Variants in PCDH7 observed in about 807,000 individuals in gnomAD.
PCDH7 encodes the protein protocadherin-7.
Under a neutral mutation model 58.9 loss-of-function variants are expected in PCDH7, and 17 were observed. The ratio of observed to expected loss-of-function variants is 0.29; its 90% CI spans 0.20 to 0.43. The LOEUF (loss-of-function observed/expected upper bound fraction) is 0.43. Among genes scored for constraint, PCDH7 ranks in the 20% least tolerant of loss-of-function variants. PCDH7 has a pLI of 1.00. For synonymous variants in PCDH7, 664 were observed against 616.4 expected (o/e 1.08, Z -1.14); for missense variants, 1,274 against 1,441.0 (o/e 0.88, Z 1.88).
intron 1 of PCDH7, among the ~76,000 whole-genome samples, chr4:30,861,865 G>A (rs1221547690): frequency 6.6e-6 from 1 of 152,060 alleles, no homozygotes; most frequent in African/African-American, 2.4e-5. Context: ...CACCTTGTTA[G>A]CCTTTTATTT....
intron 3 of PCDH7, among the ~76,000 whole-genome samples, chr4:31,069,811 G>C (rs2109250912): frequency 1.0e-5 from 1 of 100,332 alleles, no homozygotes; most frequent in African/African-American, 3.7e-5. Context: ...GATAGTATGA[G>C]CTACTTCTTG....
At chr4:31,109,595 A>C (rs555544233) in intron 3 of PCDH7, among the ~76,000 whole-genome samples, 2 of 152,318 alleles carry the variant, frequency 1.3e-5, no homozygotes, top group African/African-American at 4.8e-5. Flanking sequence ...TATTTATTTT[A>C]TAATATACAG....
intron 3 of PCDH7, among the ~76,000 whole-genome samples, chr4:31,141,181 C>T (rs1206351538): frequency 6.6e-6 from 1 of 152,222 alleles, no homozygotes; most frequent in Non-Finnish European, 1.5e-5. Flanking sequence ...AGAAAGTGTA[C>T]ATATCTTGGG....
At chr4:30,968,392 A>AC (rs1449100282) in intron 3 of PCDH7, among the ~76,000 whole-genome samples, 19,505 of 82,442 alleles carry the variant, frequency 0.24, 3,372 homozygotes, top group African/African-American at 0.35. Context: ...ATATATATAT[A>AC]TATATATATA....
At chr4:30,941,051 A>G (rs1255844172) in intron 2 of PCDH7, among the ~76,000 whole-genome samples, 1 of 151,984 alleles carries the variant, frequency 6.6e-6, no homozygotes, top group East Asian at 1.9e-4. Context: ...CTGAATTCCA[A>G]CTTAGAGCAC....
chr4:31,097,811 TTAACTC>T (rs1239752775), intron 3 of PCDH7, among the ~76,000 whole-genome samples: 1 of 151,440 alleles, frequency 6.6e-6, no homozygotes, highest in Non-Finnish European at 1.5e-5. Flanking sequence ...TTTTCAGACA[TTAACTC>T]TAATTAGGAT....
rs565192034 is a variant in PCDH7, at chr4:31,005,244, G to A, written c.*7+55029G>A. Among the ~76,000 whole-genome samples, 24 of 152,284 alleles carry A rather than the reference G, an allele frequency of 1.6e-4. No individual in the cohort carries two copies. The South Asian group carries it at 5.0e-3, about 32-fold the overall frequency. Reference sequence around the variant, plus strand: ...GTGTTGCTTGGGCTATTTATAATGGGAAGGTTGGGAAGCTGGAAGCGACAC... The same window carrying A: ...GTGTTGCTTGGGCTATTTATAATGGAAAGGTTGGGAAGCTGGAAGCGACAC... On this transcript the variant is annotated intron_variant, in intron 3 of 3. Coordinates refer to the PCDH7 transcript ENST00000509759.
chr4:30,960,090 G>T (rs1177730856), intron 3 of PCDH7, among the ~76,000 whole-genome samples: 1 of 135,750 alleles, frequency 7.4e-6, no homozygotes, highest in South Asian at 2.5e-4. Context: ...AGGAAGGAAG[G>T]AAGGAAGGAA....
At chr4:31,122,692 T>C (rs1339582879) in intron 3 of PCDH7, among the ~76,000 whole-genome samples, 2 of 152,102 alleles carry the variant, frequency 1.3e-5, no homozygotes, top group Non-Finnish European at 2.9e-5. Context: ...AAACATTCTC[T>C]TTAATTTTCT....
intron 1 of PCDH7, among the ~76,000 whole-genome samples, chr4:30,807,177 A>G (rs1199452736): frequency 6.6e-6 from 1 of 152,228 alleles, no homozygotes; most frequent in African/African-American, 2.4e-5. Context: ...AATTACCAAA[A>G]TAACCTGAAC....
intron 1 of PCDH7, among the ~76,000 whole-genome samples, chr4:30,888,332 A>G (rs941399410): frequency 2.6e-5 from 4 of 152,126 alleles, no homozygotes; most frequent in African/African-American, 9.7e-5. Context: ...ATATTCACAT[A>G]ATAGAAGGGC....
intron 2 of PCDH7, among the ~76,000 whole-genome samples, chr4:30,945,867 C>T (rs1203298451): frequency 1.3e-5 from 2 of 152,114 alleles, no homozygotes; most frequent in Non-Finnish European, 2.9e-5. Context: ...CATCGGGCCA[C>T]AGTTAGTGCC....
chr4:30,824,142 TCTTTCTTTCTTTCTTTCTTTTTG>T (rs1728794574), intron 1 of PCDH7, among the ~76,000 whole-genome samples: 1 of 144,218 alleles, frequency 6.9e-6, no homozygotes, highest in African/African-American at 2.6e-5. Context: ...TTTCTTTCTT[TCTTTCTTTCTTTCTTTCTTTTTG>T]CTTCCCTCAT....
intron 1 of PCDH7, among the ~76,000 whole-genome samples, chr4:30,895,259 G>A (rs1278915017): frequency 6.6e-6 from 1 of 151,822 alleles, no homozygotes; most frequent in Non-Finnish European, 1.5e-5. Flanking sequence ...CAGGCAGCAT[G>A]TAACCGCATG....
chr4:30,937,964 T>A (rs1745556798), intron 2 of PCDH7, among the ~76,000 whole-genome samples: 1 of 151,974 alleles, frequency 6.6e-6, no homozygotes, highest in Non-Finnish European at 1.5e-5. Context: ...TCAGCCCTCA[T>A]CTGCCAATTC....
At chr4:30,879,525 C>A (rs1369378905) in intron 1 of PCDH7, among the ~76,000 whole-genome samples, 1 of 151,976 alleles carries the variant, frequency 6.6e-6, no homozygotes, top group Non-Finnish European at 1.5e-5. Context: ...TATAAATTGG[C>A]CTTTTACATT....
intron 3 of PCDH7, among the ~76,000 whole-genome samples, chr4:31,107,292 G>A (rs749892548): frequency 1.3e-5 from 2 of 151,990 alleles, no homozygotes; most frequent in Non-Finnish European, 2.9e-5. Flanking sequence ...TTTGCATTTC[G>A]ATTCTTTTTT....
intron 3 of PCDH7, among the ~76,000 whole-genome samples, chr4:31,096,898 A>G (rs985797561): frequency 7.3e-6 from 1 of 137,190 alleles, no homozygotes. Flanking sequence ...GAAAATACTA[A>G]TAAATTCCTT....
chr4:30,783,205 C>T (rs1397811834), intron 1 of PCDH7: 1 of 151,892 alleles, frequency 6.6e-6, no homozygotes, highest in Non-Finnish European at 1.5e-5. Context: ...GAAAAAAAAC[C>T]AATAAACTTT....
Sources: allele counts gnomAD v4.1 joint callset (sites outside exome capture counted in the v4.1 genomes callset), GRCh38; gene constraint gnomAD v4.1.1; transcripts MANE v1.5; gene names NCBI Gene and HGNC (gene_info 2026-07-23, HGNC 2026-07-21).